Variants in ROBO2 observed in about 807,000 individuals in gnomAD.
The protein encoded by ROBO2 is roundabout guidance receptor 2.
Under a neutral mutation model 160.8 loss-of-function variants are expected in ROBO2, and 53 were observed. The observed-to-expected ratio is 0.33, with a 90% CI of 0.26 to 0.41. The LOEUF (loss-of-function observed/expected upper bound fraction) is 0.41. Among genes scored for constraint, ROBO2 ranks in the 10% least tolerant of loss-of-function variants. The pLI is 1.00. For synonymous variants in ROBO2, 664 were observed against 611.7 expected (o/e 1.09, Z -1.26); for missense variants, 1,577 against 1,722.4 (o/e 0.92, Z 1.49).
intron 2 of ROBO2, among the ~76,000 whole-genome samples, chr3:76,446,394 C>A (rs1425654312): frequency 2.0e-5 from 3 of 152,028 alleles, no homozygotes; most frequent in Admixed American, 6.6e-5. Flanking sequence ...TAGAAGAGGA[C>A]ACAAACAAGT....
intron 2 of ROBO2, among the ~76,000 whole-genome samples, chr3:76,987,781 T>G (rs1450662347): frequency 1.3e-5 from 2 of 152,312 alleles, no homozygotes; most frequent in Middle Eastern, 3.4e-3. Context: ...AATAAGCATT[T>G]CCTTGGGAAT....
At chr3:76,551,064 G>T (rs2108354505) in intron 2 of ROBO2, among the ~76,000 whole-genome samples, 1 of 152,236 alleles carries the variant, frequency 6.6e-6, no homozygotes, top group Middle Eastern at 3.4e-3. Context: ...GCTCCAGGTG[G>T]AGTTGGTGGC....
At chr3:76,432,138 T>C (rs978580219) in intron 2 of ROBO2, among the ~76,000 whole-genome samples, 5 of 152,136 alleles carry the variant, frequency 3.3e-5, no homozygotes, top group African/African-American at 1.2e-4. Flanking sequence ...ACACAATTAA[T>C]AAAAAGTGCA....
Position 76,702,860 on chromosome 3 carries a change from A to C in ROBO2, c.110-395154A>C, listed in dbSNP as rs201331259. Among the ~76,000 whole-genome samples the C allele has an allele frequency of 1.8e-3, 279 of 152,258 alleles. 2 individuals carry two copies. The highest frequency in any genetic ancestry group is 6.3e-3 in the African/African-American group (262 of 41,570). Reference sequence around the variant, plus strand: ...AAAGTTGACATACCTGAGCCTCAGCATGTTACTGCTATTGAAACGCTAATT... The same window carrying C: ...AAAGTTGACATACCTGAGCCTCAGCCTGTTACTGCTATTGAAACGCTAATT... On this transcript the variant is annotated intron_variant, in intron 2 of 26. Transcript: ENST00000487694.
Position 77,250,913 on chromosome 3 carries a change from C to T in ROBO2, c.388+152573C>T, listed in dbSNP as rs147371539. On this transcript the variant is annotated intron_variant, in intron 2 of 25. Coordinates refer to ENST00000461745, the Ensembl canonical transcript of ROBO2. ...ACTTAATCTCTTCTGAAAGATCCTA[C>T]TTCCCAACAGTGTTGTAGTGGAGAT... Among the ~76,000 whole-genome samples, 730 of 152,308 alleles carry T rather than the reference C, an allele frequency of 4.8e-3. 6 individuals carry two copies. The highest frequency in any genetic ancestry group is 0.016 in the African/African-American group (666 of 41,552).
intron 2 of ROBO2, among the ~76,000 whole-genome samples, chr3:76,499,768 A>C (rs2080359287): frequency 1.3e-5 from 2 of 152,168 alleles, no homozygotes; most frequent in Non-Finnish European, 2.9e-5. Flanking sequence ...ATGGAGAGAA[A>C]CAACTTCCTA....
At chr3:77,188,949 T>TTGTGTGTGTGTGTGTGTGTGTG (rs369545817) in intron 2 of ROBO2, among the ~76,000 whole-genome samples, 116 of 142,956 alleles carry the variant, frequency 8.1e-4, no homozygotes, top group Non-Finnish European at 1.2e-3. Flanking sequence ...TTTTGTAATC[T>TTGTGTGTGTGTGTGTGTGTGTG]TGTGTGTGTG....
At chr3:77,021,307 T>C (rs112170140) in intron 2 of ROBO2, among the ~76,000 whole-genome samples, 2,039 of 152,266 alleles carry the variant, frequency 0.013, 64 homozygotes, top group African/African-American at 0.047. Flanking sequence ...CAAAGTCTCT[T>C]CCTGACCTTC....
intron 9 of ROBO2, 108 bp from the exon 11 acceptor site, chr3:77,562,543 A>G: frequency 1.3e-6 from 1 of 756,220 alleles, no homozygotes. Context: ...TTAGACAACA[A>G]AATGATACAT....
intron 2 of ROBO2, among the ~76,000 whole-genome samples, chr3:77,415,777 G>T (rs1028859172): frequency 3.9e-5 from 6 of 152,128 alleles, no homozygotes; most frequent in African/African-American, 7.2e-5. Flanking sequence ...AGACCTAGGG[G>T]TTTTATGGCT....
intron 2 of ROBO2, among the ~76,000 whole-genome samples, chr3:75,976,196 C>G (rs910609915): frequency 2.6e-5 from 4 of 151,556 alleles, no homozygotes; most frequent in African/African-American, 9.7e-5. Flanking sequence ...TATGCATATA[C>G]TATGACCCAG....
intron 14 of ROBO2, 47 bp from the exon 16 acceptor site, chr3:77,577,443 A>G (rs1384475276): frequency 6.2e-7 from 1 of 1,612,468 alleles, no homozygotes; most frequent in African/African-American, 1.3e-5. Flanking sequence ...GCATGAACGC[A>G]CACCAAGGCT....
chr3:76,547,628 A>G (rs2083183702), intron 2 of ROBO2, among the ~76,000 whole-genome samples: 1 of 152,098 alleles, frequency 6.6e-6, no homozygotes, highest in Admixed American at 6.6e-5. Context: ...GGGTTACAAG[A>G]GGGCAATAAT....
intron 2 of ROBO2, among the ~76,000 whole-genome samples, chr3:76,714,412 GAAC>G (rs1407530069): frequency 6.6e-6 from 1 of 152,100 alleles, no homozygotes; most frequent in Non-Finnish European, 1.5e-5. Context: ...TGAACTCATT[GAAC>G]AACAAGGAAA....
At chr3:76,961,388 G>T (rs1478156941) in intron 2 of ROBO2, among the ~76,000 whole-genome samples, 2 of 150,142 alleles carry the variant, frequency 1.3e-5, no homozygotes, top group Non-Finnish European at 2.9e-5. Flanking sequence ...AGGGTTCACA[G>T]AACTTTTTGT....
intron 17 of ROBO2, among the ~76,000 whole-genome samples, chr3:77,592,096 C>T (rs2094194257): frequency 6.6e-6 from 1 of 152,064 alleles, no homozygotes; most frequent in South Asian, 2.1e-4. Flanking sequence ...AAAGTGTTCC[C>T]TGTTTTTCCC....
At chr3:77,267,879 T>C (rs1008494971) in intron 2 of ROBO2, among the ~76,000 whole-genome samples, 2 of 151,818 alleles carry the variant, frequency 1.3e-5, no homozygotes, top group African/African-American at 2.4e-5. Flanking sequence ...ACTTACCAAC[T>C]CCCCCAATAA....
chr3:76,225,901 C>T (rs1704255639), intron 2 of ROBO2, among the ~76,000 whole-genome samples: 1 of 151,792 alleles, frequency 6.6e-6, no homozygotes, highest in Non-Finnish European at 1.5e-5. Flanking sequence ...GATTTTTTTT[C>T]CAAGTTCCAA....
intron 2 of ROBO2, among the ~76,000 whole-genome samples, chr3:76,323,697 T>G (rs1458524405): frequency 1.3e-5 from 2 of 152,170 alleles, no homozygotes; most frequent in Non-Finnish European, 1.5e-5. Flanking sequence ...CAAGAAAAAG[T>G]TTCAAGCTGT....
Sources: gnomAD v4.1 joint callset for allele counts (sites outside exome capture counted in the v4.1 genomes callset) on GRCh38, gnomAD v4.1.1 for gene constraint, MANE v1.5 for transcripts, NCBI Gene and HGNC (gene_info 2026-07-23, HGNC 2026-07-21) for gene names.